Variants in ADGRF1 observed in about 807,000 individuals in gnomAD.
The protein encoded by ADGRF1 is adhesion G protein-coupled receptor F1.
ADGRF1 carries 85 observed loss-of-function variants against 87.2 expected under a neutral mutation model. That is an observed-to-expected ratio of 0.97 (90% CI 0.82 to 1.17). The LOEUF is 1.17. Among genes scored for constraint, ADGRF1 ranks in the 50% most tolerant of loss-of-function variants. The pLI is 0.00. For synonymous variants in ADGRF1, 430 were observed against 408.8 expected, an observed-to-expected ratio of 1.05 and a Z score of -0.63; for missense variants, 1,169 against 1,077.2, an observed-to-expected ratio of 1.09 and a Z score of -1.19.
intron 9 of ADGRF1, 184 bp from the exon 10 acceptor site, chr6:47,012,379 G>A (rs1226479): frequency 0.7 from 751,131 of 1,077,980 alleles, 262,877 homozygotes; most frequent in East Asian, 0.8. Context: ...ATTGCACTAG[G>A]TGCTTTACCA....
At position 47,012,012 on chromosome 6, in the gene ADGRF1, T is replaced by G. The variant is rs773298837; in HGVS notation, c.1111A>C (p.Met371Leu). Residue 371 changes from methionine to leucine, a missense_variant, in exon 10 of 15, where the codon ATG becomes CTG. Met to Leu is a conservative substitution (Grantham distance 15). Transcript: ENST00000371253. ...ASHFRVSNST[M>L]EDVISIADNI... ...CAAGCACAGGCAGACCATACCTCCA[T>G]TGTTGAATTGGACACCCTGAAATGG... 10 of 1,613,140 alleles carry G rather than the reference T, an allele frequency of 6.2e-6. No homozygotes were observed. Among genetic ancestry groups the G allele is most frequent in the Admixed American group, 3.3e-5 (2 of 59,980 alleles).
At chr6:47,028,776 C>T (rs542190810) in intron 2 of ADGRF1, among the ~76,000 whole-genome samples, 199 of 152,278 alleles carry the variant, frequency 1.3e-3, no homozygotes, top group African/African-American at 4.6e-3. Context: ...CCTCCTTTTG[C>T]AGTTTGATCA....
chr6:47,025,737 A>G (rs1421068146), intron 4 of ADGRF1, 117 bp downstream of exon 4: 4 of 969,888 alleles, frequency 4.1e-6, no homozygotes, highest in Non-Finnish European at 6.0e-6. Context: ...TAAAGCATTT[A>G]TTCTTTTAAA....
chr6:47,024,268 T>A, intron 4 of ADGRF1, 51 bp from the exon 5 acceptor site: 1 of 1,302,942 alleles, frequency 7.7e-7, no homozygotes, highest in Non-Finnish European at 1.1e-6. Flanking sequence ...ATAAACTGAC[T>A]ACTGCTGAGC....
chr6:47,039,221 TA>T (rs948543574), intron 1 of ADGRF1, among the ~76,000 whole-genome samples: 23 of 152,350 alleles, frequency 1.5e-4, no homozygotes, highest in African/African-American at 5.5e-4. Flanking sequence ...ACATTTGCAC[TA>T]AAACCAAGAA....
At position 47,010,255 on chromosome 6, in the gene ADGRF1, G is replaced by T; in HGVS notation, c.1180C>A (p.Leu394Met). Residue 394 changes from leucine (L) to methionine (M), a missense_variant, in exon 11 of 15, where the codon CTG becomes ATG. Physicochemically the swap from Leu to Met is conservative, Grantham distance 15 (BLOSUM62 2). Transcript: ENST00000371253. ...SASVTNWTVL[L>M]REEKYASSRL... ...GAGCTGGCATACTTTTCTTCCCGCA[G>T]TAAGACTGTCCAGTTGGTTACTGAG... 6.2e-7 allele frequency: 1 copy of T among 1,613,860 alleles called. No individual in the cohort carries two copies. The highest frequency in any genetic ancestry group is 8.5e-7 in the Non-Finnish European group (1 of 1,179,952).
At chr6:47,004,845 A>G (rs1334587427) in intron 13 of ADGRF1, among the ~76,000 whole-genome samples, 3 of 152,224 alleles carry the variant, frequency 2.0e-5, no homozygotes, top group Admixed American at 2.0e-4. Flanking sequence ...TCCTAAGATC[A>G]CACAGTCAAT....
chr6:47,008,860 A>T, intron 11 of ADGRF1, 85 bp downstream of exon 11: 2 of 1,145,682 alleles, frequency 1.7e-6, no homozygotes, highest in Non-Finnish European at 2.5e-6. Flanking sequence ...GAGATGAGAT[A>T]ATCTCCAGAG....
intron 14 of ADGRF1, 83 bp from the exon 15 acceptor site, chr6:47,000,378 T>C (rs1779328852): frequency 1.0e-6 from 1 of 995,778 alleles, no homozygotes; most frequent in Non-Finnish European, 1.5e-6. Context: ...AGCCTGTAGA[T>C]TATTTCACAA....
At position 47,000,284 on chromosome 6, in the gene ADGRF1, A is replaced by T; in HGVS notation, c.2671T>A (p.Phe891Ile). The T allele has an allele frequency of 6.2e-7, 1 of 1,600,924 alleles. No individual in the cohort carries two copies. The highest frequency in any genetic ancestry group is 1.3e-5 in the African/African-American group (1 of 74,912). ...NPLQNKGHYA[F>I]SHTGDSSDNI... Reference sequence around the variant, plus strand: ...TCGGAGGAATCTCCAGTATGAGAAAATGCATAATGGCCTGAAGGGGAAAAA... The same window carrying T: ...TCGGAGGAATCTCCAGTATGAGAAATTGCATAATGGCCTGAAGGGGAAAAA... The change falls in exon 15 of 15, where the codon TTT becomes ATT. Residue 891 changes from phenylalanine to isoleucine, a missense_variant. Transcript: ENST00000371253.
chr6:47,005,243 A>G (rs1779488677), intron 13 of ADGRF1, among the ~76,000 whole-genome samples: 1 of 152,194 alleles, frequency 6.6e-6, no homozygotes, highest in Non-Finnish European at 1.5e-5. Context: ...TTTATGGCAA[A>G]GAATGATACA....
At chr6:47,014,588 G>A (rs1779805794) in intron 9 of ADGRF1, 93 bp downstream of exon 9, 2 of 1,536,850 alleles carry the variant, frequency 1.3e-6, no homozygotes, top group Non-Finnish European at 8.8e-7. Flanking sequence ...GATGCACGTA[G>A]GTATACTTAC....
chr6:47,009,991 T>G lies in ADGRF1; in HGVS notation c.1444A>C (p.Met482Leu), dbSNP rs1247784782. 1 of 1,614,144 alleles carries G rather than the reference T, an allele frequency of 6.2e-7. No homozygotes were observed. Among genetic ancestry groups the G allele is most frequent in the Non-Finnish European group, 8.5e-7 (1 of 1,180,002 alleles). ...ATGTTCCCCAGAGTCAACGAGGCCA[T>G]GCTGATAATAGTTTCTGGAAGGGAT... is the stretch of plus-strand genomic sequence containing the variant. The part of the protein sequence containing the change: ...QRSLPETIIS[M>L]ASLTLGNILP... Residue 482 changes from methionine to leucine, a missense_variant, in exon 11 of 15, where the codon ATG becomes CTG. Transcript: ENST00000371253.
At chr6:47,034,091 TAC>T (rs1780515658) in intron 1 of ADGRF1, among the ~76,000 whole-genome samples, 1 of 152,338 alleles carries the variant, frequency 6.6e-6, no homozygotes, top group South Asian at 2.1e-4. Context: ...CTGGATGAAT[TAC>T]ACTGTAACCT....
In ADGRF1 at chr6:47,014,744, C is replaced by T. The variant is rs1055781010; in HGVS notation, c.864G>A (p.Glu288=). 1 of 1,613,960 alleles carries T rather than the reference C, an allele frequency of 6.2e-7. No homozygotes were observed. Among genetic ancestry groups the T allele is most frequent in the African/African-American group, 1.3e-5 (1 of 75,014 alleles). The part of the protein sequence containing the change: ...GYRGNITAKC[E]SSGWQVIRET... ...CCCTGATGACCTGCCACCCAGAGGA[C>T]TCACACTTGGCTGTGATGTTTCCCC... Residue 288 remains glutamate, a synonymous_variant, in exon 9 of 15, where the codon GAG becomes GAA. Coordinates refer to ENST00000371253, the MANE Select transcript of ADGRF1 (RefSeq NM_153840.4).
intron 1 of ADGRF1, among the ~76,000 whole-genome samples, chr6:47,040,432 A>G (rs1210812019): frequency 6.6e-6 from 1 of 152,240 alleles, no homozygotes; most frequent in Non-Finnish European, 1.5e-5. Context: ...AGATCACGCC[A>G]CTGCACTCCA....
In ADGRF1 at chr6:47,005,569, A is replaced by T. The variant is rs145571608; in HGVS notation, c.2592+248T>A. 1.8e-3 allele frequency among the ~76,000 whole-genome samples: 278 copies of T among 152,324 alleles called. 1 individual carries two copies. Among genetic ancestry groups the T allele is most frequent in the African/African-American group, 6.4e-3 (267 of 41,580 alleles). Reference sequence around the variant, plus strand: ...CAAAAGTATTCACTCACAAGCACCCACAGACTTCCATACTTGAGCATCCTT... The same window carrying T: ...CAAAAGTATTCACTCACAAGCACCCTCAGACTTCCATACTTGAGCATCCTT... On this transcript the variant is annotated intron_variant, in intron 13 of 14. Coordinates refer to ENST00000371253, the MANE Select transcript of ADGRF1 (RefSeq NM_153840.4).
intron 5 of ADGRF1, among the ~76,000 whole-genome samples, chr6:47,023,613 A>T (rs960473765): frequency 1.3e-5 from 2 of 152,154 alleles, no homozygotes; most frequent in Admixed American, 1.3e-4. Flanking sequence ...CAATTGAGAG[A>T]TTTCTTTTAA....
At position 47,010,172 on chromosome 6, in the gene ADGRF1, A is replaced by C; in HGVS notation, c.1263T>G (p.Pro421=). ...CAATGAATTTCCGAGAAAAATTCAGAGGAAGAGCTGTCGGAGGCACCAGAG... is the reference window on the plus strand; with the variant it reads ...CAATGAATTTCCGAGAAAAATTCAGCGGAAGAGCTGTCGGAGGCACCAGAG... ...ISTLVPPTAL[P]LNFSRKFIDW... Residue 421 remains proline (P), a synonymous_variant, in exon 11 of 15, where the codon CCT becomes CCG. Coordinates refer to ENST00000371253, the MANE Select transcript of ADGRF1 (RefSeq NM_153840.4). The C allele has an allele frequency of 6.2e-7, 1 of 1,614,152 alleles. No individual in the cohort carries two copies. Among genetic ancestry groups the C allele is most frequent in the South Asian group, 1.1e-5 (1 of 91,082 alleles).
Sources: allele counts gnomAD v4.1 joint callset (sites outside exome capture counted in the v4.1 genomes callset), GRCh38; gene constraint gnomAD v4.1.1; transcripts MANE v1.5; gene names NCBI Gene and HGNC (gene_info 2026-07-23, HGNC 2026-07-21).